ANKRD44: variants seen among roughly 807,000 people sequenced by gnomAD.
ANKRD44 encodes serine/threonine-protein phosphatase 6 regulatory ankyrin repeat subunit B.
In ANKRD44, 35 loss-of-function variants were observed where a neutral mutation model predicts 116.0. That is an observed-to-expected ratio of 0.30 (90% CI 0.23 to 0.40). The LOEUF (loss-of-function observed/expected upper bound fraction) is 0.40. ANKRD44 is among the 10% of genes least tolerant of loss of function. The pLI is 1.00. For synonymous variants in ANKRD44, 435 were observed against 461.8 expected, an observed-to-expected ratio of 0.94 and a Z score of 0.74; for missense variants, 1,014 against 1,242.6, an observed-to-expected ratio of 0.82 and a Z score of 2.77.
chr2:197,192,736 A>G (rs1220310631), intron 1 of ANKRD44, among the ~76,000 whole-genome samples: 3 of 152,224 alleles, frequency 2.0e-5, no homozygotes, highest in Non-Finnish European at 4.4e-5. Context: ...GATCTCCTGC[A>G]AGGATTTCAT....
At chr2:197,288,936 T>C (rs1364328712) in intron 1 of ANKRD44, among the ~76,000 whole-genome samples, 1 of 152,154 alleles carries the variant, frequency 6.6e-6, no homozygotes, top group Non-Finnish European at 1.5e-5. Flanking sequence ...GAGAGGTTGG[T>C]TAATGGGTAC....
chr2:197,025,417 TA>T (rs1431675805), intron 16 of ANKRD44, 150 bp from the exon 17 acceptor site: 5 of 561,546 alleles, frequency 8.9e-6, no homozygotes, highest in Non-Finnish European at 3.2e-6. Flanking sequence ...ACAAATATGC[TA>T]ACAGAATATT....
Position 196,989,317 on chromosome 2 carries a change from A to C in ANKRD44, c.*274T>G. ...AAGGTCAGCACATCATCAGTTACAAATGTTAAGTGGTCAACTAGAAATCTG... is the reference window on the plus strand; with the variant it reads ...AAGGTCAGCACATCATCAGTTACAACTGTTAAGTGGTCAACTAGAAATCTG... On this transcript the variant is annotated 3_prime_UTR_variant, in exon 28 of 28. Coordinates refer to ENST00000282272, the MANE Select transcript of ANKRD44 (RefSeq NM_001195144.2). 5 of 1,027,778 alleles carry C rather than the reference A, an allele frequency of 4.9e-6. No individual in the cohort carries two copies. In the South Asian group the frequency reaches 2.2e-4, roughly 46 times the overall value. 63.7% of individuals were successfully genotyped at this position (1,027,778 alleles called of 1,614,324 possible).
chr2:197,273,996 T>A (rs1292858897), intron 1 of ANKRD44, among the ~76,000 whole-genome samples: 11,854 of 35,742 alleles, frequency 0.33, 3,520 homozygotes, highest in East Asian at 0.53. Flanking sequence ...TATATATATA[T>A]ATATATATAT....
At position 196,995,600 on chromosome 2, in the gene ANKRD44, T is replaced by G. The variant is rs146999110; in HGVS notation, c.2749-139A>C. 674 of 606,906 alleles carry G rather than the reference T, an allele frequency of 1.1e-3. 4 individuals carry two copies. The African/African-American group carries it at 0.012, about 10-fold the overall frequency. The allele number at this position is 606,906 out of a possible 1,614,324, so 37.6% of individuals were successfully genotyped here. A position where few individuals can be genotyped will look rare whatever the true frequency, so the allele number is the denominator to read the frequency against. On this transcript the variant is annotated intron_variant, in intron 25 of 27. Coordinates refer to ENST00000282272, the MANE Select transcript of ANKRD44 (RefSeq NM_001195144.2). Reference sequence around the variant, plus strand: ...CTATAGGGCTATTTTCTGAGTAATTTTTTTTCTTCTCAACAACAAATGGGC... The same window carrying G: ...CTATAGGGCTATTTTCTGAGTAATTGTTTTTCTTCTCAACAACAAATGGGC...
Position 197,058,383 on chromosome 2 carries a change from T to C in ANKRD44, c.1650+20320A>G, listed in dbSNP as rs551795764. ...GATTCACAGAGGTGTTCTCCCCGCA[T>C]TTAGGCTGTGAATCTTTTTTTTTTT... On this transcript the variant is annotated intron_variant, in intron 16 of 27. Coordinates refer to ENST00000282272, the MANE Select transcript of ANKRD44 (RefSeq NM_001195144.2). Among the ~76,000 whole-genome samples, 3 of 142,344 alleles carry C rather than the reference T, an allele frequency of 2.1e-5. No individual in the cohort carries two copies. The East Asian group carries it at 6.4e-4, about 31-fold the overall frequency. The allele number at this position is 142,344 out of a possible 152,430, so 93.4% of individuals were successfully genotyped here. A position where few individuals can be genotyped will look rare whatever the true frequency, so the allele number is the denominator to read the frequency against.
Position 197,019,788 on chromosome 2 carries a change from C to CT in ANKRD44, c.1722+5407dup, listed in dbSNP as rs368108983. Among the ~76,000 whole-genome samples the CT allele has an allele frequency of 4.7e-5, 7 of 150,450 alleles. No individual in the cohort carries two copies. The East Asian group carries it at 5.9e-4, about 13-fold the overall frequency. On this transcript the variant is annotated intron_variant, in intron 17 of 27. Transcript: ENST00000282272. Reference sequence around the variant, plus strand: ...GAACAGCTCAGGGAATAGGCGATTTCTTTTTTTTTCTTTCTTTTTTTTTTT... The same window carrying CT: ...GAACAGCTCAGGGAATAGGCGATTTCTTTTTTTTTTCTTTCTTTTTTTTTTT...
chr2:197,132,214 G>A (rs145316649), intron 4 of ANKRD44, among the ~76,000 whole-genome samples: 25 of 152,360 alleles, frequency 1.6e-4, no homozygotes, highest in African/African-American at 4.1e-4. Context: ...TGTGCCAGAT[G>A]TGGGGAGCAG....
intron 1 of ANKRD44, among the ~76,000 whole-genome samples, chr2:197,188,030 A>G (rs915470804): frequency 3.1e-4 from 47 of 152,218 alleles, no homozygotes; most frequent in Admixed American, 6.5e-4. Context: ...GTATTTGGAA[A>G]ACCCTTGAAA....
chr2:197,103,310 A>G (rs2078346309), intron 9 of ANKRD44, among the ~76,000 whole-genome samples: 1 of 151,694 alleles, frequency 6.6e-6, no homozygotes, highest in South Asian at 2.1e-4. Flanking sequence ...GTCTTTCCCT[A>G]TACCCTGGTA....
At chr2:197,057,721 G>A (rs1421656966) in intron 16 of ANKRD44, among the ~76,000 whole-genome samples, 1 of 152,188 alleles carries the variant, frequency 6.6e-6, no homozygotes, top group Non-Finnish European at 1.5e-5. Context: ...AGCCAGGCAT[G>A]GCGGCACATG....
At chr2:197,254,981 T>G (rs2082411547) in intron 1 of ANKRD44, among the ~76,000 whole-genome samples, 1 of 152,174 alleles carries the variant, frequency 6.6e-6, no homozygotes, top group South Asian at 2.1e-4. Context: ...TTGTCCAAGG[T>G]GCTGCCCTGA....
At chr2:197,022,775 G>T (rs904150477) in intron 17 of ANKRD44, among the ~76,000 whole-genome samples, 4 of 152,158 alleles carry the variant, frequency 2.6e-5, no homozygotes, top group Non-Finnish European at 1.5e-5. Flanking sequence ...AAGACAGGAG[G>T]ATCACTTGAG....
At chr2:197,310,427 C>A (rs550563522) in intron 1 of ANKRD44, 151 bp downstream of exon 1, 1 of 364,758 alleles carries the variant, frequency 2.7e-6, no homozygotes, top group Non-Finnish European at 3.8e-6. Context: ...CCGCCGCGGG[C>A]TCTCGGAGGC....
intron 16 of ANKRD44, among the ~76,000 whole-genome samples, chr2:197,073,860 C>T (rs1432028142): frequency 1.3e-5 from 2 of 152,154 alleles, no homozygotes; most frequent in Non-Finnish European, 2.9e-5. Context: ...GCCCCAGTGT[C>T]CTAGGCCCTC....
rs1366134756 is a variant in ANKRD44, at chr2:197,122,696, T to C, written c.647A>G (p.Asn216Ser). 3 of 1,614,218 alleles carry C rather than the reference T, an allele frequency of 1.9e-6. No individual in the cohort carries two copies. Among genetic ancestry groups the C allele is most frequent in the South Asian group, 2.2e-5 (2 of 91,092 alleles). The change falls in exon 7 of 28, where the codon AAT becomes AGT. Residue 216 changes from asparagine to serine, a missense_variant. Physicochemically the swap from Asn to Ser is conservative, Grantham distance 46. Transcript: ENST00000282272. The stretch of plus-strand genomic sequence containing the variant: ...ATGCTTGACAACATTAATCTGTCCA[T>C]TGGAGGCTGCAGCATGCAGAGGGGT... ...GYTPLHAAAS[N>S]GQINVVKHLL...
chr2:197,207,245 T>C (rs1039787123), intron 1 of ANKRD44, among the ~76,000 whole-genome samples: 6 of 152,328 alleles, frequency 3.9e-5, no homozygotes, highest in Admixed American at 3.9e-4. Flanking sequence ...GTGCTATCAA[T>C]TTATTCAATA....
intron 16 of ANKRD44, among the ~76,000 whole-genome samples, chr2:197,049,647 A>C (rs1311889326): frequency 6.8e-6 from 1 of 148,140 alleles, no homozygotes; most frequent in Non-Finnish European, 1.5e-5. Flanking sequence ...CTACTGTATG[A>C]TTTTTTTTTT....
intron 21 of ANKRD44, among the ~76,000 whole-genome samples, chr2:196,978,605 G>C (rs753290666): frequency 1.3e-5 from 2 of 152,038 alleles, no homozygotes; most frequent in Non-Finnish European, 2.9e-5. Flanking sequence ...AGGGGATGGG[G>C]AGAGAGAGAG....
Sources: gnomAD v4.1 joint callset for allele counts (sites outside exome capture counted in the v4.1 genomes callset) on GRCh38, gnomAD v4.1.1 for gene constraint, MANE v1.5 for transcripts, NCBI Gene and HGNC (gene_info 2026-07-23, HGNC 2026-07-21) for gene names.